Variants in IQSEC3 observed in about 807,000 individuals in gnomAD.
The protein encoded by IQSEC3 is IQ motif and Sec7 domain ArfGEF 3, also known as IQ motif and SEC7 domain-containing protein 3.
Under a neutral mutation model 105.4 loss-of-function variants are expected in IQSEC3, and 50 were observed. The ratio of observed to expected loss-of-function variants is 0.47; its 90% CI spans 0.38 to 0.60. The LOEUF (loss-of-function observed/expected upper bound fraction) is 0.60. Among genes scored for constraint, IQSEC3 ranks in the 20% least tolerant of loss-of-function variants. The pLI, the probability that IQSEC3 is intolerant of heterozygous loss-of-function variation, is 0.00. For synonymous variants in IQSEC3, 708 were observed against 746.0 expected, an observed-to-expected ratio of 0.95 and a Z score of 0.83; for missense variants, 1,415 against 1,630.0, an observed-to-expected ratio of 0.87 and a Z score of 2.27.
intron 7 of IQSEC3, among the ~76,000 whole-genome samples, chr12:158,288 C>CTGAG (rs1440861510): frequency 4.6e-5 from 7 of 152,320 alleles, no homozygotes; most frequent in African/African-American, 1.7e-4. Context: ...GCCCCTCTCA[C>CTGAG]CACTCACCTT....
chr12:150,834 T>C (rs1866478817), intron 5 of IQSEC3, among the ~76,000 whole-genome samples: 1 of 152,144 alleles, frequency 6.6e-6, no homozygotes, highest in African/African-American at 2.4e-5. Flanking sequence ...GGTTCTGATT[T>C]GTAAGATGAA....
intron 3 of IQSEC3, among the ~76,000 whole-genome samples, chr12:126,281 G>A (rs569614319): frequency 5.6e-4 from 86 of 152,288 alleles, no homozygotes; most frequent in African/African-American, 9.9e-4. Context: ...CAGCTTCCAC[G>A]CCCACCAAGG....
At chr12:106,186 G>C (rs1372568604) in intron 2 of IQSEC3, among the ~76,000 whole-genome samples, 2 of 152,232 alleles carry the variant, frequency 1.3e-5, no homozygotes, top group Non-Finnish European at 2.9e-5. Context: ...GAGGATCAGA[G>C]ACAACGAATG....
intron 2 of IQSEC3, among the ~76,000 whole-genome samples, chr12:119,094 G>A (rs181822232): frequency 3.2e-4 from 48 of 152,296 alleles, no homozygotes; most frequent in African/African-American, 8.9e-4. Context: ...TGAGAAAACC[G>A]TGGTCCAGAA....
chr12:173,486 G>A (rs902657018), intron 13 of IQSEC3, among the ~76,000 whole-genome samples: 1 of 152,270 alleles, frequency 6.6e-6, no homozygotes, highest in African/African-American at 2.4e-5. Context: ...TTAGGGCTCC[G>A]GGATAGTTCT....
chr12:157,075 T>G lies in IQSEC3; in HGVS notation c.2204T>G (p.Leu735Arg). 3.1e-6 allele frequency: 5 copies of G among 1,606,932 alleles called. No individual in the cohort carries two copies. Among genetic ancestry groups the G allele is most frequent in the Non-Finnish European group, 4.2e-6 (5 of 1,176,670 alleles). Residue 735 changes from leucine to arginine, a missense_variant, in exon 6 of 14, where the codon CTG (leucine) becomes CGG (arginine). Physicochemically the swap from Leu to Arg is moderately radical, Grantham distance 102. Transcript: ENST00000538872. ...TCCAGCATGGAGCTGGACGAGGCCC[T>G]GCGCAAGTTCCAGGCACACATCCGT... ...DFSSMELDEA[L>R]RKFQAHIRVQ...
chr12:102,247 C>T (rs965270623), intron 2 of IQSEC3, among the ~76,000 whole-genome samples: 12 of 152,114 alleles, frequency 7.9e-5, no homozygotes, highest in Admixed American at 3.3e-4. Context: ...TCTGGTTTCC[C>T]GCTAGCTCAG....
At chr12:76,457 A>C (rs1411593660) in intron 1 of IQSEC3, among the ~76,000 whole-genome samples, 1 of 152,274 alleles carries the variant, frequency 6.6e-6, no homozygotes, top group Non-Finnish European at 1.5e-5. Context: ...AAAGATGCAT[A>C]GGCTTCACAG....
At chr12:109,431 CT>C (rs782025294) in intron 2 of IQSEC3, among the ~76,000 whole-genome samples, 15 of 152,214 alleles carry the variant, frequency 9.9e-5, no homozygotes, top group Non-Finnish European at 2.1e-4. Context: ...ACGGCTGCCC[CT>C]GGTGGACTCA....
Position 157,656 on chromosome 12 carries a change from G to A in IQSEC3, c.2405G>A (p.Arg802Gln), listed in dbSNP as rs200760751. The change falls in exon 7 of 14, where the codon CGG (arginine) becomes CAG (glutamine). Residue 802 changes from arginine to glutamine, a missense_variant. Around this residue, in one of 6 missense-constraint regions of IQSEC3, gnomAD observed 213 missense variants for 306.2 expected, o/e 0.70. Transcript: ENST00000538872. ...DMYSPNIKPD[R>Q]KMMLEDFIRN... is the part of the protein sequence containing the mutation. ...TACAGCCCCAACATCAAGCCTGACCGGAAGATGATGCTGGAGGACTTCATC... is the reference window on the plus strand; with the variant it reads ...TACAGCCCCAACATCAAGCCTGACCAGAAGATGATGCTGGAGGACTTCATC... 2.0e-5 allele frequency: 32 copies of A among 1,613,872 alleles called. No individual in the cohort carries two copies. The highest frequency in any genetic ancestry group is 5.0e-5 in the Admixed American group (3 of 59,988).
At chr12:141,931 C>G (rs540924446) in intron 5 of IQSEC3, 2 of 152,284 alleles carry the variant, frequency 1.3e-5, no homozygotes, top group East Asian at 3.8e-4. Flanking sequence ...AGGCAAGAGT[C>G]TCTTCACACT....
chr12:108,940 G>T (rs1179415184), intron 2 of IQSEC3, among the ~76,000 whole-genome samples: 1 of 152,254 alleles, frequency 6.6e-6, no homozygotes, highest in African/African-American at 2.4e-5. Flanking sequence ...CAACTGCAAA[G>T]GGTCCCAGGT....
At chr12:148,706 G>A (rs547542217) in intron 5 of IQSEC3, 3 of 152,280 alleles carry the variant, frequency 2.0e-5, no homozygotes, top group East Asian at 3.9e-4. Context: ...TAATTGAATT[G>A]TAGAAGCCAA....
At chr12:131,504 G>A (rs1380509882) in intron 3 of IQSEC3, among the ~76,000 whole-genome samples, 1 of 152,206 alleles carries the variant, frequency 6.6e-6, no homozygotes, top group Non-Finnish European at 1.5e-5. Flanking sequence ...TGCCAGGGTG[G>A]GAGGAAGGAT....
chr12:86,124 T>G (rs1242043161), intron 1 of IQSEC3, among the ~76,000 whole-genome samples: 1 of 151,966 alleles, frequency 6.6e-6, no homozygotes, highest in Non-Finnish European at 1.5e-5. Context: ...GTGGAAAAAA[T>G]AGATGTTGCA....
intron 2 of IQSEC3, among the ~76,000 whole-genome samples, chr12:110,864 T>C (rs1232438533): frequency 6.6e-6 from 1 of 152,202 alleles, no homozygotes; most frequent in Non-Finnish European, 1.5e-5. Context: ...GAGACTTCTC[T>C]AAGAGGGTAC....
At chr12:125,045 A>G (rs1199871476) in intron 2 of IQSEC3, among the ~76,000 whole-genome samples, 1 of 151,922 alleles carries the variant, frequency 6.6e-6, no homozygotes, top group Non-Finnish European at 1.5e-5. Flanking sequence ...CAGGCCAGGC[A>G]CCCTGCCTCC....
intron 2 of IQSEC3, among the ~76,000 whole-genome samples, chr12:109,315 C>T (rs1016863885): frequency 1.3e-5 from 2 of 152,184 alleles, no homozygotes; most frequent in Non-Finnish European, 2.9e-5. Context: ...CCATCCAGCC[C>T]TGCAGCCCTC....
chr12:93,133 C>T (rs1171958399), intron 1 of IQSEC3, among the ~76,000 whole-genome samples: 3 of 152,186 alleles, frequency 2.0e-5, no homozygotes, highest in Non-Finnish European at 4.4e-5. Context: ...GGCAAGAAAA[C>T]TGAGGCTTTG....
Sources: allele counts gnomAD v4.1 joint callset (sites outside exome capture counted in the v4.1 genomes callset), GRCh38; gene constraint gnomAD v4.1.1; regional missense constraint gnomAD v4.1.1; transcripts MANE v1.5; gene names NCBI Gene and HGNC (gene_info 2026-07-23, HGNC 2026-07-21).